The following SMIM35 variants were observed in gnomAD, a reference collection of about 807,000 sequenced individuals.
SMIM35 encodes the protein TMPRSS4 antisense RNA 1 (non-protein coding).
At chr11:118,027,584 C>T (rs185073057) in intron 1 of SMIM35, among the ~76,000 whole-genome samples, 1 of 152,268 alleles carries the variant, frequency 6.6e-6, no homozygotes, top group East Asian at 1.9e-4. Context: ...TTTTAAAAGG[C>T]ATCTCCAGAA....
intron 1 of SMIM35, among the ~76,000 whole-genome samples, chr11:118,022,031 TC>T (rs145436400): frequency 2.8e-5 from 4 of 140,770 alleles, no homozygotes; most frequent in East Asian, 4.3e-4. Context: ...AAACAATAAG[TC>T]TTTTTTTTTT....
chr11:118,081,073 C>G (rs944694453), intron 1 of SMIM35, among the ~76,000 whole-genome samples: 1 of 152,162 alleles, frequency 6.6e-6, no homozygotes, highest in African/African-American at 2.4e-5. Flanking sequence ...GCATGGCATC[C>G]ATGGCATGGA....
intron 1 of SMIM35, among the ~76,000 whole-genome samples, chr11:118,044,883 ATC>A (rs1443705537): frequency 2.0e-5 from 3 of 152,144 alleles, no homozygotes; most frequent in Non-Finnish European, 4.4e-5. Context: ...GTGATTGGAC[ATC>A]TCTAGCTTTT....
chr11:118,009,652 GCAT>G, intron 4 of SMIM35, among the ~76,000 whole-genome samples: 1 of 151,274 alleles, frequency 6.6e-6, no homozygotes, highest in Non-Finnish European at 1.5e-5. Context: ...CTTTGTACTT[GCAT>G]CTTTTAATTG....
intron 1 of SMIM35, among the ~76,000 whole-genome samples, chr11:118,042,876 C>T (rs1307140260): frequency 1.3e-5 from 2 of 152,144 alleles, no homozygotes; most frequent in Non-Finnish European, 2.9e-5. Flanking sequence ...TGTAACACAT[C>T]GTACCAGTAG....
chr11:118,062,291 T>C (rs1944404570), intron 1 of SMIM35, among the ~76,000 whole-genome samples: 1 of 152,098 alleles, frequency 6.6e-6, no homozygotes, highest in African/African-American at 2.4e-5. Flanking sequence ...GACTGTGCCA[T>C]TGCACCCCAG....
intron 1 of SMIM35, among the ~76,000 whole-genome samples, chr11:118,053,307 A>AAC (rs57912361): frequency 0.11 from 14,929 of 141,804 alleles, 797 homozygotes; most frequent in South Asian, 0.14. Flanking sequence ...GACTCTCTAA[A>AAC]ACACACACAC....
At chr11:118,072,930 G>A (rs1407271384) in intron 1 of SMIM35, among the ~76,000 whole-genome samples, 1 of 151,554 alleles carries the variant, frequency 6.6e-6, no homozygotes, top group Admixed American at 6.6e-5. Flanking sequence ...TGTTGTCGTT[G>A]TTGTTTTTGA....
At chr11:118,059,735 C>T (rs1482040729) in intron 1 of SMIM35, among the ~76,000 whole-genome samples, 2 of 152,142 alleles carry the variant, frequency 1.3e-5, no homozygotes, top group Admixed American at 6.5e-5. Flanking sequence ...GGAAAAGCAG[C>T]CTGGAATCCC....
intron 1 of SMIM35, among the ~76,000 whole-genome samples, chr11:118,069,641 G>A (rs890628198): frequency 5.3e-5 from 8 of 152,116 alleles, no homozygotes; most frequent in Admixed American, 3.3e-4. Flanking sequence ...AGCATGTGTC[G>A]GAAACTTAAT....
chr11:118,037,073 G>A (rs2058364926), intron 1 of SMIM35, among the ~76,000 whole-genome samples: 1 of 152,154 alleles, frequency 6.6e-6, no homozygotes, highest in African/African-American at 2.4e-5. Context: ...TTCTTAGTTG[G>A]CTTAGGAAAT....
chr11:118,029,128 C>A, intron 1 of SMIM35: 1 of 251,870 alleles, frequency 4.0e-6, no homozygotes, highest in Non-Finnish European at 7.8e-6. Flanking sequence ...TAAATAAAAC[C>A]GAATGCAAAA....
intron 1 of SMIM35, among the ~76,000 whole-genome samples, chr11:118,032,692 C>T (rs569367700): frequency 3.3e-5 from 5 of 152,070 alleles, no homozygotes; most frequent in Admixed American, 6.6e-5. Context: ...GGATCACTTG[C>T]GGTCAGGAGT....
chr11:118,063,103 C>T (rs1446613192), intron 1 of SMIM35, among the ~76,000 whole-genome samples: 1 of 152,228 alleles, frequency 6.6e-6, no homozygotes, highest in Admixed American at 6.5e-5. Context: ...ATAATCCACC[C>T]CTTGTTTAGC....
intron 1 of SMIM35, chr11:118,059,028 C>T (rs1301975201): frequency 6.6e-6 from 1 of 152,244 alleles, no homozygotes; most frequent in Non-Finnish European, 1.5e-5. Flanking sequence ...GAGACAGGGA[C>T]CATCCCAGTT....
chr11:118,065,653 T>C (rs1422062369), intron 1 of SMIM35, among the ~76,000 whole-genome samples: 2 of 152,184 alleles, frequency 1.3e-5, no homozygotes, highest in African/African-American at 4.8e-5. Flanking sequence ...TGTGGTCCTC[T>C]ACTTCATTTA....
intron 4 of SMIM35, among the ~76,000 whole-genome samples, chr11:118,007,001 C>T (rs941943762): frequency 5.3e-5 from 8 of 152,216 alleles, no homozygotes; most frequent in Admixed American, 3.3e-4. Context: ...ATACAAAAGG[C>T]ATCAGACATG....
chr11:118,049,850 C>T (rs914708168), intron 1 of SMIM35, among the ~76,000 whole-genome samples: 5 of 152,014 alleles, frequency 3.3e-5, no homozygotes, highest in Admixed American at 1.3e-4. Flanking sequence ...CTTGGATTGC[C>T]GTCAATGTGT....
At chr11:118,068,572 A>G (rs1944521687) in intron 1 of SMIM35, among the ~76,000 whole-genome samples, 3 of 152,110 alleles carry the variant, frequency 2.0e-5, no homozygotes, top group Non-Finnish European at 4.4e-5. Flanking sequence ...CAGTTTCAAG[A>G]ACTTTCATTC....
Sources: gnomAD v4.1 joint callset for allele counts (sites outside exome capture counted in the v4.1 genomes callset) on GRCh38, gnomAD v4.1.1 for gene constraint, MANE v1.5 for transcripts, NCBI Gene and HGNC (gene_info 2026-07-23, HGNC 2026-07-21) for gene names.